The following DMD variants were observed in gnomAD, a reference collection of about 807,000 sequenced individuals.
DMD encodes dystrophin.
A neutral mutation model predicts 330.1 loss-of-function variants in DMD; 63 were observed. That is an observed-to-expected ratio of 0.19 (90% CI 0.16 to 0.24). The LOEUF is 0.24. DMD is among the 10% of genes least tolerant of loss of function. The pLI is 1.00. For missense variants in DMD, 3,344 were observed against 2,684.1 expected, an observed-to-expected ratio of 1.25 and a Z score of -5.43; for synonymous variants, 1,223 against 959.8, an observed-to-expected ratio of 1.27 and a Z score of -5.07.
At chrX:32,070,623 A>G (rs1216705632) in intron 44 of DMD, among the ~76,000 whole-genome samples, 1 of 111,254 alleles carries the variant, frequency 9.0e-6, no homozygotes, top group Non-Finnish European at 1.9e-5. Context: ...ATATATATAT[A>G]TGAATACTAC....
chrX:33,282,884 G>A (rs775887096), intron 1 of DMD, among the ~76,000 whole-genome samples: 26 of 112,105 alleles, frequency 2.3e-4, no homozygotes, highest in East Asian at 2.3e-3. Flanking sequence ...ATATGAGAAT[G>A]TGCTGCAGTT....
chrX:32,006,021 C>T (rs1200180918), intron 44 of DMD, among the ~76,000 whole-genome samples: 5 of 111,165 alleles, frequency 4.5e-5, no homozygotes, highest in African/African-American at 1.3e-4. Flanking sequence ...TAGCTTTAGA[C>T]GGTGGGTGGG....
chrX:33,155,136 A>T (rs1355078775), intron 1 of DMD, among the ~76,000 whole-genome samples: 2 of 111,535 alleles, frequency 1.8e-5, no homozygotes, highest in Non-Finnish European at 3.8e-5. Flanking sequence ...TAATTTTCCT[A>T]TTCTTTTAAT....
At chrX:31,347,445 G>T (rs765751871) in intron 61 of DMD, among the ~76,000 whole-genome samples, 5 of 111,175 alleles carry the variant, frequency 4.5e-5, no homozygotes, top group Non-Finnish European at 7.5e-5. Flanking sequence ...TCTATTCTAT[G>T]TTTATTATCA....
At chrX:32,386,664 G>A (rs894666262) in intron 32 of DMD, among the ~76,000 whole-genome samples, 199 bp from the exon 33 acceptor site, 1 of 110,284 alleles carries the variant, frequency 9.1e-6, no homozygotes, top group African/African-American at 3.3e-5. Context: ...CTACACACAT[G>A]CATATATGTG....
chrX:33,184,531 G>A (rs1198867233), intron 1 of DMD, among the ~76,000 whole-genome samples: 2 of 110,386 alleles, frequency 1.8e-5, no homozygotes, highest in African/African-American at 6.6e-5. Context: ...TAAATTGTGT[G>A]CAATAATTAT....
intron 44 of DMD, among the ~76,000 whole-genome samples, chrX:32,153,292 T>C (rs1162040808): frequency 1.8e-5 from 2 of 112,021 alleles, no homozygotes; most frequent in African/African-American, 6.5e-5. Flanking sequence ...TAAGCACTCT[T>C]AGCGAAGACC....
At chrX:31,131,714 TAC>T (rs1209708611) in intron 77 of DMD, among the ~76,000 whole-genome samples, 1 of 111,922 alleles carries the variant, frequency 8.9e-6, no homozygotes, top group Non-Finnish European at 1.9e-5. Flanking sequence ...TATGTGTGTG[TAC>T]ACACACATAT....
At chrX:31,581,445 G>A (rs915590858) in intron 55 of DMD, among the ~76,000 whole-genome samples, 3 of 111,761 alleles carry the variant, frequency 2.7e-5, no homozygotes, top group African/African-American at 3.2e-5. Flanking sequence ...AGAAAAAGGG[G>A]AACAATATTC....
chrX:33,257,593 C>T (rs1447937858), intron 1 of DMD, among the ~76,000 whole-genome samples: 5 of 110,963 alleles, frequency 4.5e-5, no homozygotes, highest in African/African-American at 1.3e-4. Flanking sequence ...TTTATTAATA[C>T]TTGGAAATAA....
In DMD at chrX:31,294,861, C is replaced by G. The variant is rs73617073; in HGVS notation, c.9224+28737G>C. On this transcript the variant is annotated intron_variant, in intron 62 of 78. Coordinates refer to ENST00000357033, the MANE Select transcript of DMD (RefSeq NM_004006.3). ...AAATCAGATGTAAAATTCTTGTGCT[C>G]AGAGACGTAGTGTTGATTGAAGAGT... 3.6e-3 allele frequency among the ~76,000 whole-genome samples: 406 copies of G among 112,194 alleles called. 1 individual carries two copies. Among genetic ancestry groups the G allele is most frequent in the African/African-American group, 0.012 (380 of 30,853 alleles).
intron 2 of DMD, among the ~76,000 whole-genome samples, chrX:32,876,006 C>G (rs780305572): frequency 5.9e-4 from 66 of 111,951 alleles, no homozygotes; most frequent in African/African-American, 2.1e-3. Context: ...ATGATACTTT[C>G]TCACTGCTAC....
At chrX:31,147,090 T>C (rs1017023505) in intron 75 of DMD, among the ~76,000 whole-genome samples, 185 bp downstream of exon 75, 1 of 111,683 alleles carries the variant, frequency 9.0e-6, no homozygotes, top group Non-Finnish European at 1.9e-5. Flanking sequence ...ATTGGACAAA[T>C]ACAAAAAAGA....
intron 44 of DMD, among the ~76,000 whole-genome samples, chrX:32,169,888 T>A (rs1470011856): frequency 9.0e-6 from 1 of 111,700 alleles, no homozygotes; most frequent in Non-Finnish European, 1.9e-5. Flanking sequence ...GTGCATATTA[T>A]TTTTTGACAT....
At chrX:32,647,149 C>T (rs911585352) in intron 9 of DMD, among the ~76,000 whole-genome samples, 3 of 111,619 alleles carry the variant, frequency 2.7e-5, no homozygotes, top group Non-Finnish European at 3.8e-5. Context: ...AAACACATGC[C>T]TCTATTATCT....
chrX:31,166,959 C>G (rs920271863), intron 74 of DMD, among the ~76,000 whole-genome samples: 7 of 111,421 alleles, frequency 6.3e-5, no homozygotes, highest in African/African-American at 2.3e-4. Flanking sequence ...GAGAACAAAC[C>G]ATCCCATTCT....
At chrX:33,219,875 C>A (rs373673433) in intron 1 of DMD, among the ~76,000 whole-genome samples, 2 of 110,961 alleles carry the variant, frequency 1.8e-5, no homozygotes, top group Non-Finnish European at 3.8e-5. Context: ...GTAGCAGATT[C>A]AAAAGCATTT....
intron 55 of DMD, among the ~76,000 whole-genome samples, chrX:31,545,579 A>T (rs1210950636): frequency 8.9e-6 from 1 of 112,634 alleles, no homozygotes; most frequent in Non-Finnish European, 1.9e-5. Flanking sequence ...CCTTAAAAAG[A>T]AAGTATTCTA....
chrX:32,657,307 A>T (rs969921784), intron 9 of DMD, among the ~76,000 whole-genome samples: 4 of 111,837 alleles, frequency 3.6e-5, no homozygotes, highest in Admixed American at 1.9e-4. Context: ...ACCTAGAACA[A>T]TTTAATAACC....
Sources: gnomAD v4.1 joint callset for allele counts (sites outside exome capture counted in the v4.1 genomes callset) on GRCh38, gnomAD v4.1.1 for gene constraint, MANE v1.5 for transcripts, NCBI Gene and HGNC (gene_info 2026-07-23, HGNC 2026-07-21) for gene names.